Variants in WDR41 observed in about 807,000 individuals in gnomAD.
WDR41 encodes WD repeat domain 41, also known as WD repeat-containing protein 41.
Under a neutral mutation model 69.3 loss-of-function variants are expected in WDR41, and 63 were observed. The ratio of observed to expected loss-of-function variants is 0.91; its 90% CI spans 0.74 to 1.12. The LOEUF is 1.12. Ranked by LOEUF, WDR41 falls within the 50% of genes most tolerant of loss-of-function variation. WDR41 has a pLI of 0.00. For missense variants in WDR41, 543 were observed against 534.5 expected, an observed-to-expected ratio of 1.02 and a Z score of -0.16; for synonymous variants, 185 against 192.1, an observed-to-expected ratio of 0.96 and a Z score of 0.31.
At chr5:77,549,362 ACT>A (rs1409022297) in intron 1 of WDR41, among the ~76,000 whole-genome samples, 3 of 152,206 alleles carry the variant, frequency 2.0e-5, no homozygotes, top group African/African-American at 7.2e-5. Context: ...AACCCTAAAG[ACT>A]CTATCAAAAG....
chr5:77,605,435 G>A (rs141255710), intron 1 of WDR41, among the ~76,000 whole-genome samples: 3 of 152,330 alleles, frequency 2.0e-5, no homozygotes, highest in Admixed American at 2.0e-4. Context: ...TCTGGGAGTG[G>A]TGTGTGGTGG....
intron 1 of WDR41, among the ~76,000 whole-genome samples, chr5:77,507,250 A>C (rs1802123503): frequency 6.6e-6 from 1 of 152,202 alleles, no homozygotes; most frequent in Non-Finnish European, 1.5e-5. Flanking sequence ...TGTACACTTA[A>C]AAATTGAAAA....
chr5:77,501,102 C>G (rs540491562), intron 1 of WDR41, among the ~76,000 whole-genome samples: 1 of 152,222 alleles, frequency 6.6e-6, no homozygotes, highest in Non-Finnish European at 1.5e-5. Flanking sequence ...CAAGGGGTTG[C>G]AGGATTTCTG....
chr5:77,461,906 T>C (rs1182576727), intron 4 of WDR41, among the ~76,000 whole-genome samples: 2 of 151,972 alleles, frequency 1.3e-5, no homozygotes, highest in Non-Finnish European at 2.9e-5. Flanking sequence ...CAGTTATCCA[T>C]AGCACTTGAC....
intron 1 of WDR41, among the ~76,000 whole-genome samples, chr5:77,614,996 A>G (rs1744649610): frequency 6.6e-6 from 1 of 152,178 alleles, no homozygotes; most frequent in Admixed American, 6.5e-5. Flanking sequence ...ATGTCCAGAA[A>G]GTAAAATTTA....
At chr5:77,441,369 A>C (rs1799157593) in intron 8 of WDR41, among the ~76,000 whole-genome samples, 2 of 152,184 alleles carry the variant, frequency 1.3e-5, no homozygotes, top group South Asian at 4.1e-4. Flanking sequence ...AAAGGTGAAT[A>C]CTTTTAGGAA....
chr5:77,558,112 A>G (rs543240211), intron 1 of WDR41, among the ~76,000 whole-genome samples: 1 of 149,492 alleles, frequency 6.7e-6, no homozygotes, highest in Non-Finnish European at 1.5e-5. Flanking sequence ...AAAAAAAAAA[A>G]AAAACAAAAC....
At chr5:77,558,646 GAA>G (rs2112253924) in intron 1 of WDR41, among the ~76,000 whole-genome samples, 1 of 152,288 alleles carries the variant, frequency 6.6e-6, no homozygotes, top group East Asian at 1.9e-4. Flanking sequence ...TCTGCATAGA[GAA>G]ATAAGTTTAT....
intron 1 of WDR41, among the ~76,000 whole-genome samples, chr5:77,617,825 T>A (rs1269577324): frequency 6.6e-6 from 1 of 152,166 alleles, no homozygotes; most frequent in East Asian, 1.9e-4. Context: ...CAATGCAATT[T>A]AAAGGACTGA....
intron 1 of WDR41, among the ~76,000 whole-genome samples, chr5:77,597,931 C>A (rs1042503764): frequency 6.6e-6 from 1 of 152,162 alleles, no homozygotes; most frequent in East Asian, 1.9e-4. Flanking sequence ...AAATACGCCA[C>A]ATTTGGATTC....
chr5:77,613,095 A>C (rs1443316924), intron 1 of WDR41, among the ~76,000 whole-genome samples: 46 of 151,730 alleles, frequency 3.0e-4, no homozygotes, highest in African/African-American at 8.2e-4. Context: ...AAGGGACGTG[A>C]AGGACCTCTT....
At chr5:77,564,244 G>C (rs1190483865) in intron 1 of WDR41, among the ~76,000 whole-genome samples, 5 of 152,148 alleles carry the variant, frequency 3.3e-5, no homozygotes, top group African/African-American at 4.8e-5. Flanking sequence ...ATAACTGATA[G>C]AAAGGTTAAC....
chr5:77,562,023 T>C (rs1056949165), intron 1 of WDR41, among the ~76,000 whole-genome samples: 2 of 152,230 alleles, frequency 1.3e-5, no homozygotes, highest in Admixed American at 1.3e-4. Context: ...TACTCTAACA[T>C]GAAATGTTTG....
At chr5:77,478,554 A>C (rs1801074528) in intron 2 of WDR41, among the ~76,000 whole-genome samples, 1 of 152,180 alleles carries the variant, frequency 6.6e-6, no homozygotes, top group African/African-American at 2.4e-5. Flanking sequence ...CCATCATATA[A>C]ACAGAACCAA....
At chr5:77,609,801 G>T (rs1438580012) in intron 1 of WDR41, among the ~76,000 whole-genome samples, 8 of 152,354 alleles carry the variant, frequency 5.3e-5, no homozygotes, top group Admixed American at 1.3e-4. Flanking sequence ...AACAAAGCTG[G>T]ACGGAGAATG....
intron 1 of WDR41, among the ~76,000 whole-genome samples, chr5:77,568,729 G>C (rs1743681347): frequency 6.6e-6 from 1 of 152,108 alleles, no homozygotes; most frequent in Non-Finnish European, 1.5e-5. Context: ...TGGTAGATAG[G>C]AGTCAAATGA....
In WDR41 at chr5:77,449,781, G is replaced by T; in HGVS notation, c.676C>A (p.Leu226Ile). 1 of 1,611,402 alleles carries T rather than the reference G, an allele frequency of 6.2e-7. No homozygotes were observed. Among genetic ancestry groups the T allele is most frequent in the Non-Finnish European group, 8.5e-7 (1 of 1,177,652 alleles). Residue 226 changes from leucine to isoleucine, a missense_variant, in exon 8 of 13, where the codon CTC (leucine) becomes ATC (isoleucine). Transcript: ENST00000296679. The part of the protein sequence containing the change: ...KRLLDHQDNI[L>I]SLINVNDLSF... The stretch of plus-strand genomic sequence containing the variant: ...TTACCATTGACATTAATCAATGAGA[G>T]AATATTATCCTGGTGATCAAGGAGG...
At chr5:77,440,339 T>C (rs1799109192) in intron 9 of WDR41, among the ~76,000 whole-genome samples, 1 of 152,128 alleles carries the variant, frequency 6.6e-6, no homozygotes, top group South Asian at 2.1e-4. Flanking sequence ...GCAAAACAGA[T>C]CTAAAGTGCT....
chr5:77,467,647 G>C (rs1003746848), intron 2 of WDR41, among the ~76,000 whole-genome samples: 1 of 151,970 alleles, frequency 6.6e-6, no homozygotes, highest in Non-Finnish European at 1.5e-5. Context: ...GCACTTGCCA[G>C]TCTAATGAAT....
Sources: allele counts gnomAD v4.1 joint callset (sites outside exome capture counted in the v4.1 genomes callset), GRCh38; gene constraint gnomAD v4.1.1; transcripts MANE v1.5; gene names NCBI Gene and HGNC (gene_info 2026-07-23, HGNC 2026-07-21).